NIT2: variants seen among roughly 807,000 people sequenced by gnomAD.
NIT2 encodes omega-amidase NIT2.
In NIT2, 46 loss-of-function variants were observed where a neutral mutation model predicts 42.7. That is an observed-to-expected ratio of 1.08 (90% CI 0.85 to 1.38). The LOEUF is 1.38. NIT2 is among the 40% of genes most tolerant of loss of function. The pLI is 0.00. For synonymous variants in NIT2, 123 were observed against 121.9 expected, an observed-to-expected ratio of 1.01 and a Z score of -0.06; for missense variants, 309 against 342.5, an observed-to-expected ratio of 0.90 and a Z score of 0.77.
chr3:100,346,244 A>G lies in NIT2; in HGVS notation c.494A>G (p.Tyr165Cys), dbSNP rs1316378813. The change falls in exon 6 of 10, where the codon TAC becomes TGC. Residue 165 changes from tyrosine to cysteine, a missense_variant. Transcript: ENST00000394140. ...CGGTTTGCAGAGCTTGCACAAATCT[A>G]CGCACAGAGAGGTGAGGCAGTGTAA... ...DMRFAELAQIYAQRGCQLLVY... is the reference protein window; with the variant it reads ...DMRFAELAQICAQRGCQLLVY... 13 of 1,614,070 alleles carry G rather than the reference A, an allele frequency of 8.1e-6. No homozygotes were observed. Among genetic ancestry groups the G allele is most frequent in the Non-Finnish European group, 9.3e-6 (11 of 1,179,956 alleles).
chr3:100,341,122 G>A lies in NIT2; in HGVS notation c.297G>A (p.Val99=). ...GGAAATTATATAACACCTGTGCTGT[G>A]TTTGGGCCTGATGGAACTTTACTAG... ...DAGKLYNTCA[V]FGPDGTLLAK... Residue 99 remains valine, a synonymous_variant, in exon 4 of 10, where the codon GTG becomes GTA. Coordinates refer to ENST00000394140, the MANE Select transcript of NIT2 (RefSeq NM_020202.5). 2 of 1,613,726 alleles carry A rather than the reference G, an allele frequency of 1.2e-6. No individual in the cohort carries two copies. Among genetic ancestry groups the A allele is most frequent in the Non-Finnish European group, 1.7e-6 (2 of 1,179,670 alleles).
In NIT2 at chr3:100,355,891, T is replaced by C. The variant is rs573571266; in HGVS notation, c.*623T>C. 1 of 152,358 alleles carries C rather than the reference T, an allele frequency of 6.6e-6. No individual in the cohort carries two copies. The highest frequency in any genetic ancestry group is 6.5e-5 in the Admixed American group (1 of 15,304). The allele number at this position is 152,358 out of a possible 1,614,324, so 9.4% of individuals were successfully genotyped here. ...ATGGGAGAATGGCAGTGGTGGCATT[T>C]AGTGAAGACAATTTAGTATGAATGT... On this transcript the variant is annotated 3_prime_UTR_variant, in exon 10 of 10. Coordinates refer to ENST00000394140, the MANE Select transcript of NIT2 (RefSeq NM_020202.5).
Position 100,335,784 on chromosome 3 carries a change from G to T in NIT2, c.7+986G>T, listed in dbSNP as rs536975957. ...TTTGGGAAGCTGAGGCACGAGGATC[G>T]CTTGAGTTCACGAGTCAAGAGTTGG... On this transcript the variant is annotated intron_variant, in intron 1 of 9. Transcript: ENST00000394140. Among the ~76,000 whole-genome samples the T allele has an allele frequency of 2.4e-4, 37 of 152,302 alleles. No homozygotes were observed. The South Asian group carries it at 7.3e-3, about 30-fold the overall frequency.
chr3:100,347,613 A>G (rs1428147367), intron 6 of NIT2, among the ~76,000 whole-genome samples: 1 of 151,222 alleles, frequency 6.6e-6, no homozygotes, highest in African/African-American at 2.4e-5. Context: ...AATTTTTTGT[A>G]GAGATGGGGT....
At chr3:100,337,486 C>T (rs2148880360) in intron 1 of NIT2, among the ~76,000 whole-genome samples, 1 of 152,256 alleles carries the variant, frequency 6.6e-6, no homozygotes, top group South Asian at 2.1e-4. Context: ...CTGAGTCTCA[C>T]TCTGTCGTCC....
intron 1 of NIT2, among the ~76,000 whole-genome samples, chr3:100,337,811 G>A (rs1489093617): frequency 7.9e-5 from 12 of 152,146 alleles, no homozygotes; most frequent in South Asian, 2.1e-4. Flanking sequence ...GCTTATAATC[G>A]CAGCAGTTTG....
At chr3:100,336,730 G>GTAGAT (rs1391329136) in intron 1 of NIT2, among the ~76,000 whole-genome samples, 1 of 152,182 alleles carries the variant, frequency 6.6e-6, no homozygotes, top group Non-Finnish European at 1.5e-5. Context: ...CCCTATCTTA[G>GTAGAT]TAGATGGGAC....
rs766865724 is a variant in NIT2, at chr3:100,334,765, C to T, written c.-27C>T. Reference sequence around the variant, plus strand: ...CCGGATCTCCAGCGCTCAGTCCGCGCCGCAGGTGGTGCTTGTCTGCAGAGT... The same window carrying T: ...CCGGATCTCCAGCGCTCAGTCCGCGTCGCAGGTGGTGCTTGTCTGCAGAGT... On this transcript the variant is annotated 5_prime_UTR_variant, in exon 1 of 10. Transcript: ENST00000394140. The T allele has an allele frequency of 3.8e-6, 5 of 1,303,572 alleles. No individual in the cohort carries two copies. Among genetic ancestry groups the T allele is most frequent in the Admixed American group, 6.1e-5 (2 of 32,578 alleles). 80.8% of individuals were successfully genotyped at this position (1,303,572 alleles called of 1,614,324 possible).
chr3:100,351,963 C>G (rs976218245), intron 7 of NIT2, among the ~76,000 whole-genome samples: 1 of 152,126 alleles, frequency 6.6e-6, no homozygotes, highest in African/African-American at 2.4e-5. Flanking sequence ...TGAACAGACA[C>G]TTCTCAAAAG....
At position 100,345,651 on chromosome 3, in the gene NIT2, G is replaced by A. The variant is rs1218822480; in HGVS notation, c.403G>A (p.Gly135Ser). ...TFQESKTLSP[G>S]DSFSTFDTPY... ...TCAAGAATCTAAAACATTGAGTCCG[G>A]GTGATAGTTTCTCCACATTTGATAC... is the stretch of plus-strand genomic sequence containing the variant. Residue 135 changes from glycine to serine, a missense_variant, in exon 5 of 10, where the codon GGT (glycine) becomes AGT (serine). Transcript: ENST00000394140. 1.9e-6 allele frequency: 3 copies of A among 1,612,548 alleles called. No homozygotes were observed. The highest frequency in any genetic ancestry group is 1.7e-5 in the Admixed American group (1 of 59,968).
chr3:100,335,865 G>T (rs1228519817), intron 1 of NIT2, among the ~76,000 whole-genome samples: 3 of 152,180 alleles, frequency 2.0e-5, no homozygotes, highest in Non-Finnish European at 4.4e-5. Flanking sequence ...TACAAAATTA[G>T]CCCGGTGTGG....
Position 100,334,808 on chromosome 3 carries a change from G to T in NIT2, c.7+10G>T, listed in dbSNP as rs368643471. The T allele has an allele frequency of 3.5e-5, 45 of 1,301,650 alleles. No individual in the cohort carries two copies. The African/African-American group carries it at 6.6e-4, about 19-fold the overall frequency. 80.6% of individuals were successfully genotyped at this position (1,301,650 alleles called of 1,614,324 possible). On this transcript the variant is annotated intron_variant, in intron 1 of 9. Transcript: ENST00000394140. Reference sequence around the variant, plus strand: ...TGCAGAGTCATGACCTGTAAGTGGCGCGGCCGCGCGCTGCAGCTCGAGTTC... The same window carrying T: ...TGCAGAGTCATGACCTGTAAGTGGCTCGGCCGCGCGCTGCAGCTCGAGTTC...
chr3:100,335,732 C>G (rs1185818276), intron 1 of NIT2, among the ~76,000 whole-genome samples: 3 of 152,198 alleles, frequency 2.0e-5, no homozygotes, highest in Non-Finnish European at 4.4e-5. Context: ...TGGCCCGGCA[C>G]GTGGCTCACG....
intron 8 of NIT2, among the ~76,000 whole-genome samples, chr3:100,354,119 G>A (rs1706301239): frequency 6.6e-6 from 1 of 152,182 alleles, no homozygotes; most frequent in African/African-American, 2.4e-5. Flanking sequence ...ATTGATGAAG[G>A]AGTGTGGCTG....
At position 100,360,131 on chromosome 3, in the gene NIT2, C is replaced by A. The variant is rs1706365117; in HGVS notation, c.*4863C>A. On this transcript the variant is annotated 3_prime_UTR_variant, in exon 10 of 10. Coordinates refer to ENST00000394140, the MANE Select transcript of NIT2 (RefSeq NM_020202.5). Reference sequence around the variant, plus strand: ...AATGTTGAGTTGGAATGAATTTATTCCTACAGGTTGCACTTGCTCTCTCAC... The same window carrying A: ...AATGTTGAGTTGGAATGAATTTATTACTACAGGTTGCACTTGCTCTCTCAC... The A allele has an allele frequency of 6.6e-6, 1 of 152,260 alleles. No individual in the cohort carries two copies. Among genetic ancestry groups the A allele is most frequent in the East Asian group, 1.9e-4 (1 of 5,180 alleles). 9.4% of individuals were successfully genotyped at this position (152,260 alleles called of 1,614,324 possible).
At chr3:100,346,347 G>A in intron 6 of NIT2, 92 bp downstream of exon 6, 2 of 1,124,322 alleles carry the variant, frequency 1.8e-6, no homozygotes, top group Middle Eastern at 5.0e-4. Flanking sequence ...AAAGCTGGGA[G>A]AGGGCTCTTT....
chr3:100,360,150 C>G lies in NIT2; in HGVS notation c.*4882C>G, dbSNP rs1706365301. 1 of 152,226 alleles carries G rather than the reference C, an allele frequency of 6.6e-6. No individual in the cohort carries two copies. Among genetic ancestry groups the G allele is most frequent in the South Asian group, 2.1e-4 (1 of 4,830 alleles). The allele number at this position is 152,226 out of a possible 1,614,324, so 9.4% of individuals were successfully genotyped here. A position where few individuals can be genotyped will look rare whatever the true frequency, so the allele number is the denominator to read the frequency against. ...TTTATTCCTACAGGTTGCACTTGCT[C>G]TCTCACCAAGTGTTCTGGCCAAATA... On this transcript the variant is annotated 3_prime_UTR_variant, in exon 10 of 10. Transcript: ENST00000394140.
At chr3:100,355,148 T>G (rs766633909) in intron 9 of NIT2, 29 bp from the exon 10 acceptor site, 1 of 1,555,412 alleles carries the variant, frequency 6.4e-7, no homozygotes, top group Non-Finnish European at 8.9e-7. Flanking sequence ...TTGCAAATTA[T>G]TAATAGTGCA....
intron 7 of NIT2, chr3:100,349,103 C>G: frequency 2.7e-6 from 1 of 369,520 alleles, no homozygotes; most frequent in Non-Finnish European, 4.9e-6. Context: ...ATTTTGGAAA[C>G]TGTACTTTTT....
Sources: gnomAD v4.1 joint callset for allele counts (sites outside exome capture counted in the v4.1 genomes callset) on GRCh38, gnomAD v4.1.1 for gene constraint, MANE v1.5 for transcripts, NCBI Gene and HGNC (gene_info 2026-07-23, HGNC 2026-07-21) for gene names.